EDRF1: variants seen among roughly 807,000 people sequenced by gnomAD.
The protein encoded by EDRF1 is erythroid differentiation regulatory factor 1, also known as erythroid differentiation-related factor 1.
A neutral mutation model predicts 148.7 loss-of-function variants in EDRF1; 69 were observed. The ratio of observed to expected loss-of-function variants is 0.46; its 90% confidence interval spans 0.38 to 0.57. The LOEUF (loss-of-function observed/expected upper bound fraction) is 0.57, where lower values mean the gene tolerates loss of function less well. Ranked by LOEUF, EDRF1 falls within the 20% of genes least tolerant of loss-of-function variation. The pLI is 0.00. For missense variants in EDRF1, 1,118 were observed against 1,478.7 expected (o/e 0.76, Z 4.00); for synonymous variants, 515 against 532.8 (o/e 0.97, Z 0.46).
At chr10:125,748,943 T>TTGAGG (rs1249070389) in intron 21 of EDRF1, 1 of 221,824 alleles carries the variant, frequency 4.5e-6, no homozygotes, top group Non-Finnish European at 9.1e-6. Context: ...TGAATTTTGG[T>TTGAGG]TGAGGACTTC....
chr10:125,763,284 T>G lies in EDRF1; in HGVS notation c.3546-17T>G. 6.2e-7 allele frequency: 1 copy of G among 1,609,332 alleles called. No individual in the cohort carries two copies. The highest frequency in any genetic ancestry group is 8.5e-7 in the Non-Finnish European group (1 of 1,179,304). ...TTGCTGGTCCCTTACCTGTCTCTTT[T>G]TCTTTTTTAACCCTAGCAATAACAT... is the stretch of plus-strand genomic sequence containing the variant. On this transcript the variant is annotated splice_polypyrimidine_tract_variant and intron_variant, in intron 24 of 24. Transcript: ENST00000356792. The surrounding 1 kb of genome is among the most constrained non-coding windows in gnomAD (Gnocchi z 4.3).
In EDRF1 at chr10:125,734,099, G is replaced by T; in HGVS notation, c.1413G>T (p.Lys471Asn). 1.2e-6 allele frequency: 2 copies of T among 1,613,152 alleles called. No individual in the cohort carries two copies. Among genetic ancestry groups the T allele is most frequent in the Non-Finnish European group, 8.5e-7 (1 of 1,179,264 alleles). The part of the protein sequence containing the change: ...YKVACNMMMK[K>N]NQNKKHYGTI... ...TTGCTTGCAACATGATGATGAAGAA[G>T]AATCAAAATAAGAAACACTATGGAA... The change falls in exon 12 of 25, where the codon AAG becomes AAT. Residue 471 changes from lysine to asparagine, a missense_variant. By Grantham distance (94) the Lys-to-Asn change is moderately conservative. This residue lies in a region of EDRF1 where 954 missense variants were observed against 1,241.4 expected (regional missense o/e 0.77). Transcript: ENST00000356792.
At chr10:125,753,130 A>G (rs1438169849) in intron 23 of EDRF1, among the ~76,000 whole-genome samples, 1 of 152,248 alleles carries the variant, frequency 6.6e-6, no homozygotes, top group African/African-American at 2.4e-5. Flanking sequence ...TTTTAAGAAT[A>G]TATCTCAACA....
At chr10:125,734,209 T>G in intron 12 of EDRF1, 26 bp downstream of exon 12, 1 of 1,519,310 alleles carries the variant, frequency 6.6e-7, no homozygotes, top group Middle Eastern at 1.8e-4. Context: ...ATGTATTCTC[T>G]AAAACAATCC....
intron 14 of EDRF1, 46 bp downstream of exon 14, chr10:125,738,035 G>C (rs775842888): frequency 1.9e-6 from 3 of 1,559,064 alleles, no homozygotes; most frequent in Non-Finnish European, 2.7e-6. Flanking sequence ...GTTTGTACTT[G>C]ATTATGCAAA....
intron 24 of EDRF1, among the ~76,000 whole-genome samples, chr10:125,756,401 G>A (rs528768122): frequency 3.9e-5 from 6 of 152,292 alleles, no homozygotes; most frequent in South Asian, 2.1e-4. Flanking sequence ...AAAAATCTGC[G>A]TGTCCTGCTG....
chr10:125,727,887 G>T (rs78622787), intron 6 of EDRF1, among the ~76,000 whole-genome samples: 1,530 of 152,246 alleles, frequency 0.01, 19 homozygotes, highest in African/African-American at 0.034. Flanking sequence ...TGTCAAGAGG[G>T]CCCAAGTGTA....
intron 21 of EDRF1, 165 bp from the exon 22 acceptor site, chr10:125,749,247 C>G (rs561574085): frequency 9.4e-6 from 6 of 636,498 alleles, no homozygotes; most frequent in Non-Finnish European, 1.5e-5. Flanking sequence ...GACCCTGTCT[C>G]AAAAAAAAAA....
chr10:125,733,646 G>C lies in EDRF1; in HGVS notation c.1288G>C (p.Asp430His). The change falls in exon 11 of 25, where the codon GAT becomes CAT. Residue 430 changes from aspartate to histidine, a missense_variant. Physicochemically the swap from Asp to His is moderately conservative, Grantham distance 81. This residue lies in a region of EDRF1 where 954 missense variants were observed against 1,241.4 expected (regional missense o/e 0.77). Transcript: ENST00000356792. ...TYWLFKASGS[D>H]IVKLYDLTTL... ...GTTTTTCTTTTCAGCAAGTGGCAGC[G>C]ATATAGTGAAGCTCTATGACCTCAC... 6.2e-7 allele frequency: 1 copy of C among 1,613,422 alleles called. No individual in the cohort carries two copies. Among genetic ancestry groups the C allele is most frequent in the Non-Finnish European group, 8.5e-7 (1 of 1,179,486 alleles).
rs377486196 is a variant in EDRF1 at position 125,741,855 on chromosome 10, G to C, written c.2371+654G>C. Among the ~76,000 whole-genome samples, 22 of 152,000 alleles carry C rather than the reference G, an allele frequency of 1.4e-4. No homozygotes were observed. The East Asian group carries it at 2.7e-3, about 19-fold the overall frequency. On this transcript the variant is annotated intron_variant, in intron 17 of 24. Coordinates refer to ENST00000356792, the MANE Select transcript of EDRF1 (RefSeq NM_001202438.2). ...ACTAGTACATGCGCCACCACACCTA[G>C]CTAATTTTTGTATTTTTGTTAGAGA...
intron 19 of EDRF1, among the ~76,000 whole-genome samples, chr10:125,746,246 G>A (rs1849349003): frequency 6.6e-6 from 1 of 152,222 alleles, no homozygotes; most frequent in South Asian, 2.1e-4. Flanking sequence ...TATAGGTAGA[G>A]GCTTATATGA....
chr10:125,758,868 G>A (rs1193659857), intron 24 of EDRF1, among the ~76,000 whole-genome samples: 2 of 152,104 alleles, frequency 1.3e-5, no homozygotes, highest in African/African-American at 4.8e-5. Flanking sequence ...TGAGTCTCAG[G>A]ACTGTGGCCT....
chr10:125,737,221 A>G (rs374159087), intron 13 of EDRF1, among the ~76,000 whole-genome samples: 33 of 152,316 alleles, frequency 2.2e-4, no homozygotes, highest in East Asian at 1.9e-3. Context: ...TTAAAGATGT[A>G]ATGAGTTAGT....
intron 13 of EDRF1, among the ~76,000 whole-genome samples, chr10:125,737,570 A>G (rs2133707701): frequency 6.6e-6 from 1 of 152,316 alleles, no homozygotes; most frequent in East Asian, 1.9e-4. Flanking sequence ...TTGCTCCTTA[A>G]TTAAGCAAAT....
At chr10:125,729,599 G>A (rs558636911) in intron 8 of EDRF1, 120 bp downstream of exon 8, 776 of 1,275,480 alleles carry the variant, frequency 6.1e-4, no homozygotes, top group Middle Eastern at 1.9e-3. Flanking sequence ...TCCAGCCTAG[G>A]CGAAAGAGCA....
intron 18 of EDRF1, among the ~76,000 whole-genome samples, chr10:125,744,570 G>A (rs1849235553): frequency 6.6e-6 from 1 of 152,182 alleles, no homozygotes; most frequent in African/African-American, 2.4e-5. Flanking sequence ...GGGAGAACCT[G>A]TGCATTTACG....
intron 1 of EDRF1, 74 bp from the exon 2 acceptor site, chr10:125,721,130 G>A (rs1037679523): frequency 2.7e-6 from 4 of 1,458,826 alleles, no homozygotes; most frequent in Non-Finnish European, 3.8e-6. Context: ...ACAGGTTCTT[G>A]TTTTCTTTTT....
intron 9 of EDRF1, among the ~76,000 whole-genome samples, chr10:125,732,997 CA>C (rs572494630): frequency 1.3e-5 from 2 of 149,532 alleles, no homozygotes; most frequent in East Asian, 1.9e-4. Flanking sequence ...TAGTTTCTAG[CA>C]AAAAAAAAGG....
Position 125,763,463 on chromosome 10 carries a change from C to G in EDRF1, c.3708C>G (p.Ala1236=). 3 of 1,606,974 alleles carry G rather than the reference C, an allele frequency of 1.9e-6. No individual in the cohort carries two copies. The highest frequency in any genetic ancestry group is 2.5e-6 in the Non-Finnish European group (3 of 1,179,936). The change falls in exon 25 of 25, where the codon GCC becomes GCG. Residue 1236 remains alanine (A), a synonymous_variant. Transcript: ENST00000356792. The surrounding 1 kb of genome is among the most constrained non-coding windows in gnomAD (Gnocchi z 4.3). The part of the protein sequence containing the change: ...LAAGSAASSN[A]VQ ...CCGGCAGTGCAGCGAGCAGCAATGC[C>G]GTTCAGTGACTGCACAGAGCCGTGT...
Sources: gnomAD v4.1 joint callset for allele counts (sites outside exome capture counted in the v4.1 genomes callset) on GRCh38, gnomAD v4.1.1 for gene constraint, gnomAD v4.1.1 regional missense constraint, Gnocchi (gnomAD v3.1) non-coding constraint, MANE v1.5 for transcripts, NCBI Gene and HGNC (gene_info 2026-07-23, HGNC 2026-07-21) for gene names.